KCNJ1: variants seen among roughly 807,000 people sequenced by gnomAD.
The protein encoded by KCNJ1 is potassium inwardly rectifying channel subfamily J member 1.
Under a neutral mutation model 21.9 loss-of-function variants are expected in KCNJ1, and 24 were observed. That is an observed-to-expected ratio of 1.10 (90% CI 0.79 to 1.54). KCNJ1 has a LOEUF of 1.54. KCNJ1 is among the 40% of genes most tolerant of loss of function. KCNJ1 has a pLI of 0.00. For missense variants in KCNJ1, 457 were observed against 455.4 expected (o/e 1.00, Z -0.03); for synonymous variants, 152 against 160.9 (o/e 0.94, Z 0.42).
chr11:128,844,125 C>T (rs1173222222), intron 2 of KCNJ1, among the ~76,000 whole-genome samples: 1 of 152,216 alleles, frequency 6.6e-6, no homozygotes, highest in Non-Finnish European at 1.5e-5. Flanking sequence ...AATGAGCTTA[C>T]TGTCACTTAT....
chr11:128,864,335 A>G (rs2855796), intron 1 of KCNJ1, among the ~76,000 whole-genome samples: 58,878 of 151,738 alleles, frequency 0.39, 12,369 homozygotes, highest in African/African-American at 0.55. Flanking sequence ...AGCCTCAGCC[A>G]CCAAAAGTGC....
At chr11:128,865,800 G>A (rs1943806712) in intron 1 of KCNJ1, among the ~76,000 whole-genome samples, 1 of 152,034 alleles carries the variant, frequency 6.6e-6, no homozygotes. Context: ...ACGTGAATGG[G>A]GAATTTTGAG....
chr11:128,851,253 A>C (rs1446105097), intron 1 of KCNJ1, among the ~76,000 whole-genome samples: 1 of 152,256 alleles, frequency 6.6e-6, no homozygotes, highest in Admixed American at 6.5e-5. Context: ...TAGATATATA[A>C]TTCCATATTG....
At chr11:128,853,994 G>A (rs1440914107) in intron 1 of KCNJ1, among the ~76,000 whole-genome samples, 2 of 152,260 alleles carry the variant, frequency 1.3e-5, no homozygotes, top group Non-Finnish European at 2.9e-5. Flanking sequence ...CTGCTGCCCA[G>A]GTGTGTTTGG....
intron 1 of KCNJ1, among the ~76,000 whole-genome samples, chr11:128,855,340 A>G (rs1943569238): frequency 6.6e-6 from 1 of 152,078 alleles, no homozygotes. Flanking sequence ...AGGTCCCCTG[A>G]GCTTCACTGG....
intron 1 of KCNJ1, among the ~76,000 whole-genome samples, chr11:128,861,642 G>C (rs1209892408): frequency 6.6e-6 from 1 of 152,142 alleles, no homozygotes; most frequent in Non-Finnish European, 1.5e-5. Flanking sequence ...TCGCCTCCCT[G>C]GTGCAAGCCC....
At chr11:128,844,729 C>A (rs550460753) in intron 2 of KCNJ1, among the ~76,000 whole-genome samples, 1 of 152,240 alleles carries the variant, frequency 6.6e-6, no homozygotes, top group South Asian at 2.1e-4. Context: ...CACTTACCAC[C>A]CCAGCCTGCT....
At chr11:128,848,674 C>A (rs1055704792) in intron 2 of KCNJ1, among the ~76,000 whole-genome samples, 1 of 152,170 alleles carries the variant, frequency 6.6e-6, no homozygotes, top group African/African-American at 2.4e-5. Flanking sequence ...TGACAAGGAG[C>A]TGGAGCACCC....
intron 2 of KCNJ1, among the ~76,000 whole-genome samples, chr11:128,843,506 T>C (rs1179935825): frequency 6.6e-6 from 1 of 152,132 alleles, no homozygotes; most frequent in Non-Finnish European, 1.5e-5. Flanking sequence ...TCTCAGAAAA[T>C]AGACATTTTG....
intron 1 of KCNJ1, among the ~76,000 whole-genome samples, chr11:128,863,509 A>C (rs1943755524): frequency 6.6e-6 from 1 of 152,212 alleles, no homozygotes; most frequent in South Asian, 2.1e-4. Flanking sequence ...GAAAAGTAAC[A>C]ACAGGCTTCT....
At chr11:128,840,294 G>A (rs142798603) in intron 2 of KCNJ1, 30 bp from the exon 3 acceptor site, 2 of 1,607,786 alleles carry the variant, frequency 1.2e-6, no homozygotes, top group Non-Finnish European at 1.7e-6. Context: ...AAACAAAAAA[G>A]GATTATGTTT....
chr11:128,853,705 C>T (rs944264258), intron 1 of KCNJ1, among the ~76,000 whole-genome samples: 2 of 152,156 alleles, frequency 1.3e-5, no homozygotes, highest in African/African-American at 4.8e-5. Context: ...ATGTAAAGTG[C>T]CTGTCACACA....
intron 2 of KCNJ1, among the ~76,000 whole-genome samples, chr11:128,847,836 AT>A (rs1384759996): frequency 7.2e-5 from 11 of 151,908 alleles, no homozygotes; most frequent in African/African-American, 2.7e-4. Context: ...TCCTGTATGT[AT>A]TTTCTTTTTC....
At chr11:128,866,830 CA>C (rs1358973053) in intron 1 of KCNJ1, among the ~76,000 whole-genome samples, 2 of 152,126 alleles carry the variant, frequency 1.3e-5, no homozygotes, top group Non-Finnish European at 2.9e-5. Flanking sequence ...GGTCTTGCTA[CA>C]ATTGAAAGGA....
chr11:128,859,910 C>T (rs570314661), intron 1 of KCNJ1, among the ~76,000 whole-genome samples: 1 of 152,366 alleles, frequency 6.6e-6, no homozygotes, highest in South Asian at 2.1e-4. Flanking sequence ...TTGAAAAGTA[C>T]CCGTAAGTAG....
chr11:128,845,629 T>G (rs1943365888), intron 2 of KCNJ1, among the ~76,000 whole-genome samples: 1 of 152,176 alleles, frequency 6.6e-6, no homozygotes, highest in Admixed American at 6.5e-5. Context: ...AGAAGTTATC[T>G]CTGATGTCTT....
In KCNJ1 at chr11:128,839,273, T is replaced by C; in HGVS notation, c.971A>G (p.Asn324Ser). 1 of 1,614,170 alleles carries C rather than the reference T, an allele frequency of 6.2e-7. No homozygotes were observed. The highest frequency in any genetic ancestry group is 1.3e-5 in the African/African-American group (1 of 75,052). ...CTCCACTTCCACTGTCTTGCTAAAG[T>C]TATGGAAATCCACTCGGTATTTCCC... ...KEGKYRVDFH[N>S]FSKTVEVETP... The change falls in exon 3 of 3, where the codon AAC becomes AGC. Residue 324 changes from asparagine to serine, a missense_variant. Physicochemically the swap from Asn to Ser is conservative, Grantham distance 46 (BLOSUM62 1). Transcript: ENST00000392666.
At chr11:128,843,986 C>T (rs1205409612) in intron 2 of KCNJ1, among the ~76,000 whole-genome samples, 1 of 152,080 alleles carries the variant, frequency 6.6e-6, no homozygotes, top group Non-Finnish European at 1.5e-5. Flanking sequence ...TGGGGAGCAC[C>T]TATTTTGATG....
At chr11:128,855,104 A>T (rs1293460557) in intron 1 of KCNJ1, among the ~76,000 whole-genome samples, 1 of 152,152 alleles carries the variant, frequency 6.6e-6, no homozygotes, top group Non-Finnish European at 1.5e-5. Context: ...AACAAACAAA[A>T]AATAGTTGCT....
Sources: allele counts gnomAD v4.1 joint callset (sites outside exome capture counted in the v4.1 genomes callset), GRCh38; gene constraint gnomAD v4.1.1; transcripts MANE v1.5; gene names NCBI Gene and HGNC (gene_info 2026-07-23, HGNC 2026-07-21).